The following SLC23A2 variants were observed in gnomAD, a reference collection of about 807,000 sequenced individuals.
SLC23A2 encodes solute carrier family 23 member 2.
A neutral mutation model predicts 73.3 loss-of-function variants in SLC23A2; 36 were observed. That is an observed-to-expected ratio of 0.49 (90% CI 0.38 to 0.65). SLC23A2 has a LOEUF of 0.65. Among genes scored for constraint, SLC23A2 ranks in the 30% least tolerant of loss-of-function variants. The pLI is 0.00. For missense variants in SLC23A2, 507 were observed against 841.6 expected (o/e 0.60, Z 4.92); for synonymous variants, 343 against 327.3 (o/e 1.05, Z -0.52).
chr20:4,921,602 CAAAAAAA>C (rs1258373626), intron 3 of SLC23A2, among the ~76,000 whole-genome samples: 1 of 86,750 alleles, frequency 1.2e-5, no homozygotes, highest in African/African-American at 3.9e-5. Flanking sequence ...CAATCACAAC[CAAAAAAA>C]AAAAAAAAAG....
chr20:4,942,134 T>C (rs969802534), intron 2 of SLC23A2, among the ~76,000 whole-genome samples: 2 of 152,202 alleles, frequency 1.3e-5, no homozygotes, highest in Admixed American at 6.5e-5. Context: ...TTACAGCATC[T>C]ACCCCCTTTA....
At chr20:4,869,835 G>A (rs1930367396) in intron 12 of SLC23A2, 71 bp downstream of exon 12, 16 of 1,403,204 alleles carry the variant, frequency 1.1e-5, no homozygotes, top group East Asian at 2.3e-5. Context: ...TGTCTTCAAG[G>A]TAATGTAAAC....
intron 4 of SLC23A2, among the ~76,000 whole-genome samples, chr20:4,907,379 A>G (rs913816459): frequency 1.1e-4 from 17 of 152,152 alleles, no homozygotes; most frequent in African/African-American, 4.1e-4. Context: ...AGACCTCACA[A>G]TCCTATCTTT....
chr20:4,924,672 C>T (rs1458403757), intron 3 of SLC23A2, among the ~76,000 whole-genome samples: 1 of 152,236 alleles, frequency 6.6e-6, no homozygotes, highest in Non-Finnish European at 1.5e-5. Context: ...CAGGCACCCC[C>T]CTGCTGTGGG....
intron 6 of SLC23A2, among the ~76,000 whole-genome samples, chr20:4,898,975 A>AC (rs1339232483): frequency 6.6e-6 from 1 of 152,186 alleles, no homozygotes; most frequent in Non-Finnish European, 1.5e-5. Context: ...AAGAAGGTAG[A>AC]CAGCGGGCCC....
In SLC23A2 at chr20:4,899,829, CTTGGT is replaced by C; in HGVS notation, c.325-122_325-118del. On this transcript the variant is annotated intron_variant, in intron 5 of 16. Coordinates refer to ENST00000338244, the MANE Select transcript of SLC23A2 (RefSeq NM_005116.6). This position sits in a 1 kb window ranked among gnomAD's most constrained non-coding sequence, Gnocchi z 4.9. ...AAAAATAGCCCACATAAAGAATCTC[CTTGGT>C]TTTTCGACCAAGCCATACTTTTTTC... The C allele has an allele frequency of 2.8e-6, 3 of 1,073,696 alleles. No homozygotes were observed. In the South Asian group the frequency reaches 4.7e-5, roughly 17 times the overall value. 66.5% of individuals were successfully genotyped at this position (1,073,696 alleles called of 1,614,324 possible). A position where few individuals can be genotyped will look rare whatever the true frequency, so the allele number is the denominator to read the frequency against.
At chr20:4,887,601 G>A (rs1931152381) in intron 6 of SLC23A2, among the ~76,000 whole-genome samples, 1 of 152,192 alleles carries the variant, frequency 6.6e-6, no homozygotes, top group South Asian at 2.1e-4. Flanking sequence ...GCACCTTTCA[G>A]GGTGAGCATT....
At chr20:5,002,167 A>G (rs528036204), upstream of SLC23A2, among the ~76,000 whole-genome samples, 26 of 152,292 alleles carry the variant, frequency 1.7e-4, no homozygotes, top group African/African-American at 6.0e-4. Flanking sequence ...ACCGCTAAGC[A>G]GAAAGGCCAA....
intron 1 of SLC23A2, among the ~76,000 whole-genome samples, chr20:4,986,015 T>C (rs2087820101): frequency 1.3e-5 from 2 of 152,206 alleles, no homozygotes; most frequent in African/African-American, 4.8e-5. Context: ...TCTCCCGCCA[T>C]GCCCACAGAA....
intron 2 of SLC23A2, among the ~76,000 whole-genome samples, chr20:4,949,057 G>A (rs1009570383): frequency 1.2e-4 from 19 of 152,010 alleles, no homozygotes; most frequent in East Asian, 1.9e-4. Flanking sequence ...AGGCCAAGAC[G>A]GATGGATTAC....
rs374950960 is a variant in SLC23A2 at position 4,862,953 on chromosome 20, C to CA, written c.1357-47dup. The CA allele has an allele frequency of 5.2e-4, 816 of 1,581,948 alleles. 12 individuals are homozygous for CA. The South Asian group carries it at 8.6e-3, about 17-fold the overall frequency. On this transcript the variant is annotated intron_variant, in intron 13 of 16. Coordinates refer to ENST00000338244, the MANE Select transcript of SLC23A2 (RefSeq NM_005116.6). This position sits in a 1 kb window ranked among gnomAD's most constrained non-coding sequence, Gnocchi z 5.1. Reference sequence around the variant, plus strand: ...TGGGAAACAGGGACTCATCTCCATGCAAAATCACCGTAAGTTACTAAAGAA... The same window carrying CA: ...TGGGAAACAGGGACTCATCTCCATGCAAAAATCACCGTAAGTTACTAAAGAA...
chr20:4,876,013 C>A (rs192937248), intron 9 of SLC23A2, among the ~76,000 whole-genome samples: 1 of 152,282 alleles, frequency 6.6e-6, no homozygotes, highest in East Asian at 1.9e-4. Flanking sequence ...CCTACTCAGG[C>A]GCTTCGGTGA....
intron 1 of SLC23A2, among the ~76,000 whole-genome samples, chr20:4,983,820 G>C (rs1050211653): frequency 6.6e-6 from 1 of 151,682 alleles, no homozygotes; most frequent in Non-Finnish European, 1.5e-5. Flanking sequence ...GCCAGGCGTG[G>C]TGGTGCATGC....
intron 6 of SLC23A2, among the ~76,000 whole-genome samples, chr20:4,893,393 A>G (rs1931402795): frequency 6.6e-6 from 1 of 152,160 alleles, no homozygotes. Flanking sequence ...TGGCTCAAAA[A>G]TCAAAAAAAT....
chr20:4,852,568 C>G lies in SLC23A2; in HGVS notation c.*4404G>C, dbSNP rs1046320585. 6.6e-6 allele frequency: 1 copy of G among 152,340 alleles called. No homozygotes were observed. The highest frequency in any genetic ancestry group is 2.4e-5 in the African/African-American group (1 of 41,318). 9.4% of individuals were successfully genotyped at this position (152,340 alleles called of 1,614,324 possible). A position where few individuals can be genotyped will look rare whatever the true frequency, so the allele number is the denominator to read the frequency against. ...TACACATCTCAAAAAACAACCCCAC[C>G]CCAAATACCCTCGGTAATCAAAATA... On this transcript the variant is annotated 3_prime_UTR_variant, in exon 17 of 17. Coordinates refer to ENST00000338244, the MANE Select transcript of SLC23A2 (RefSeq NM_005116.6). This position sits in a 1 kb window ranked among gnomAD's most constrained non-coding sequence, Gnocchi z 4.3.
chr20:4,858,828 A>C (rs769455701), intron 16 of SLC23A2, among the ~76,000 whole-genome samples: 4 of 152,170 alleles, frequency 2.6e-5, no homozygotes, highest in Admixed American at 2.6e-4. Flanking sequence ...GCCTTTGCCC[A>C]TGGTCTTCTA....
intron 6 of SLC23A2, among the ~76,000 whole-genome samples, chr20:4,894,288 G>A (rs1600107418): frequency 1.3e-5 from 2 of 152,260 alleles, no homozygotes; most frequent in South Asian, 2.1e-4. Context: ...AGGAAGGGCC[G>A]TGAGGAAGCT....
At chr20:4,950,773 G>C (rs1015016808) in intron 2 of SLC23A2, among the ~76,000 whole-genome samples, 5 of 152,114 alleles carry the variant, frequency 3.3e-5, no homozygotes, top group Admixed American at 6.6e-5. Context: ...AGGCAGAAGA[G>C]GCATCGACCA....
chr20:4,903,729 T>A (rs1385383334), intron 4 of SLC23A2, among the ~76,000 whole-genome samples: 1 of 152,180 alleles, frequency 6.6e-6, no homozygotes, highest in African/African-American at 2.4e-5. Flanking sequence ...ACCTTTTGGG[T>A]AAAACTTTCT....
Sources: gnomAD v4.1 joint callset for allele counts (sites outside exome capture counted in the v4.1 genomes callset) on GRCh38, gnomAD v4.1.1 for gene constraint, Gnocchi (gnomAD v3.1) non-coding constraint, MANE v1.5 for transcripts, NCBI Gene and HGNC (gene_info 2026-07-23, HGNC 2026-07-21) for gene names.